The following TRAPPC9 variants were observed in gnomAD, a reference collection of about 807,000 sequenced individuals.
TRAPPC9 encodes the protein trafficking protein particle complex subunit 9.
TRAPPC9 carries 83 observed loss-of-function variants against 124.0 expected under a neutral mutation model. The observed-to-expected ratio is 0.67, with a 90% CI of 0.56 to 0.80. The LOEUF (loss-of-function observed/expected upper bound fraction) is 0.80, where lower values mean the gene tolerates loss of function less well. Among genes scored for constraint, TRAPPC9 ranks in the 30% least tolerant of loss-of-function variants. TRAPPC9 has a pLI of 0.00. For missense variants in TRAPPC9, 1,302 were observed against 1,508.3 expected, an observed-to-expected ratio of 0.86 and a Z score of 2.27; for synonymous variants, 638 against 617.5, an observed-to-expected ratio of 1.03 and a Z score of -0.49.
At chr8:140,050,098 A>G (rs904723025) in intron 17 of TRAPPC9, among the ~76,000 whole-genome samples, 1 of 152,190 alleles carries the variant, frequency 6.6e-6, no homozygotes, top group Admixed American at 6.5e-5. Flanking sequence ...CTGGGGACCC[A>G]TGTTGATAGT....
chr8:140,011,542 T>C (rs1839125245), intron 18 of TRAPPC9, among the ~76,000 whole-genome samples: 1 of 136,160 alleles, frequency 7.3e-6, no homozygotes, highest in Non-Finnish European at 1.5e-5. Flanking sequence ...TCTCACTCCG[T>C]CACCAGGCTG....
chr8:140,174,607 T>G (rs1219674694), intron 17 of TRAPPC9, among the ~76,000 whole-genome samples: 1 of 152,142 alleles, frequency 6.6e-6, no homozygotes, highest in East Asian at 1.9e-4. Flanking sequence ...CAACCATCAA[T>G]CTGCCTTCTG....
In TRAPPC9 at chr8:139,774,935, G is replaced by A. The variant is rs570431522; in HGVS notation, c.3056-42733C>T. On this transcript the variant is annotated intron_variant, in intron 21 of 22. Coordinates refer to ENST00000438773, the MANE Select transcript of TRAPPC9 (RefSeq NM_001160372.4). ...CAACAGCAAAGTCTTCAAGTCCCAG[G>A]AACAAGAACCTGAGCAGAACGCCCG... 2.6e-5 allele frequency among the ~76,000 whole-genome samples: 4 copies of A among 152,304 alleles called. No individual in the cohort carries two copies. The South Asian group carries it at 6.2e-4, about 24-fold the overall frequency.
intron 21 of TRAPPC9, among the ~76,000 whole-genome samples, chr8:139,737,956 G>C (rs376553000): frequency 6.6e-6 from 1 of 152,162 alleles, no homozygotes; most frequent in South Asian, 2.1e-4. Flanking sequence ...CCTCTCCCGC[G>C]GGCTGGCTGT....
intron 21 of TRAPPC9, among the ~76,000 whole-genome samples, chr8:139,859,116 G>C (rs1286306170): frequency 6.6e-6 from 1 of 151,612 alleles, no homozygotes; most frequent in Non-Finnish European, 1.5e-5. Flanking sequence ...TGTTTCTCCA[G>C]GGTTACTCCT....
At chr8:139,790,250 G>A (rs2130595922) in intron 21 of TRAPPC9, among the ~76,000 whole-genome samples, 1 of 152,360 alleles carries the variant, frequency 6.6e-6, no homozygotes, top group South Asian at 2.1e-4. Flanking sequence ...TGTTTGAACA[G>A]GAACTCAAGT....
intron 16 of TRAPPC9, among the ~76,000 whole-genome samples, chr8:140,225,237 T>C (rs1265093731): frequency 6.6e-6 from 1 of 152,222 alleles, no homozygotes; most frequent in Non-Finnish European, 1.5e-5. Flanking sequence ...CCCCTCATAG[T>C]AGCTGATGCA....
chr8:140,317,357 G>A (rs1172364697), intron 9 of TRAPPC9, among the ~76,000 whole-genome samples: 1 of 152,138 alleles, frequency 6.6e-6, no homozygotes, highest in Non-Finnish European at 1.5e-5. Context: ...TGGCCAGTGG[G>A]AGTCCCTTCT....
At chr8:140,352,381 C>T (rs990462291) in intron 9 of TRAPPC9, among the ~76,000 whole-genome samples, 9 of 152,206 alleles carry the variant, frequency 5.9e-5, no homozygotes, top group Admixed American at 3.9e-4. Context: ...ACAGTTGTTT[C>T]GGAAGTTTAA....
At chr8:139,835,840 G>T (rs190817699) in intron 21 of TRAPPC9, among the ~76,000 whole-genome samples, 1 of 152,112 alleles carries the variant, frequency 6.6e-6, no homozygotes, top group East Asian at 1.9e-4. Flanking sequence ...CTCCGAGGAC[G>T]GCAGAGAGTG....
At chr8:140,238,886 T>A (rs75647836) in intron 16 of TRAPPC9, among the ~76,000 whole-genome samples, 3,910 of 152,296 alleles carry the variant, frequency 0.026, 52 homozygotes, top group African/African-American at 0.037. Flanking sequence ...ACCCCCGTGC[T>A]GACGCCGGGG....
intron 17 of TRAPPC9, among the ~76,000 whole-genome samples, chr8:140,164,472 T>C (rs1164478266): frequency 1.3e-5 from 2 of 152,228 alleles, no homozygotes; most frequent in Non-Finnish European, 2.9e-5. Flanking sequence ...TTCAGGCTCT[T>C]CTGTGAACAG....
chr8:139,837,949 GT>G (rs1320345731), intron 21 of TRAPPC9, among the ~76,000 whole-genome samples: 3 of 152,134 alleles, frequency 2.0e-5, no homozygotes, highest in Admixed American at 1.3e-4. Flanking sequence ...TAACCATGTT[GT>G]CCCCTCTTCT....
intron 19 of TRAPPC9, among the ~76,000 whole-genome samples, chr8:139,930,211 C>T (rs1406707653): frequency 5.3e-5 from 8 of 152,206 alleles, no homozygotes; most frequent in Admixed American, 3.3e-4. Context: ...AAGCCTTCTA[C>T]GCACTATCTT....
intron 17 of TRAPPC9, among the ~76,000 whole-genome samples, chr8:140,165,871 C>T (rs1334208360): frequency 6.6e-6 from 1 of 152,110 alleles, no homozygotes; most frequent in Non-Finnish European, 1.5e-5. Flanking sequence ...TCACTGTACC[C>T]ACCCCTGATA....
intron 17 of TRAPPC9, among the ~76,000 whole-genome samples, chr8:140,184,347 T>C (rs5018242): frequency 0.63 from 96,220 of 152,104 alleles, 30,989 homozygotes; most frequent in East Asian, 0.99. Context: ...GTTGACACTG[T>C]TTGTCTATTT....
chr8:139,752,088 C>A (rs1183711794), intron 21 of TRAPPC9, among the ~76,000 whole-genome samples: 1 of 149,998 alleles, frequency 6.7e-6, no homozygotes, highest in African/African-American at 2.5e-5. Context: ...CATTCATCCA[C>A]TCTACATCCA....
At chr8:139,956,044 G>A (rs907198183) in intron 19 of TRAPPC9, among the ~76,000 whole-genome samples, 8 of 152,202 alleles carry the variant, frequency 5.3e-5, no homozygotes, top group Admixed American at 1.3e-4. Flanking sequence ...GAGACCTGAC[G>A]AGAGTGTGGC....
At chr8:139,824,214 G>C (rs527257915) in intron 21 of TRAPPC9, among the ~76,000 whole-genome samples, 6 of 152,210 alleles carry the variant, frequency 3.9e-5, no homozygotes, top group African/African-American at 1.4e-4. Context: ...AGCCCTGAGC[G>C]GTGTGTGTAC....
Sources: gnomAD v4.1 joint callset for allele counts (sites outside exome capture counted in the v4.1 genomes callset) on GRCh38, gnomAD v4.1.1 for gene constraint, MANE v1.5 for transcripts, NCBI Gene and HGNC (gene_info 2026-07-23, HGNC 2026-07-21) for gene names.